The following ZBTB20 variants were observed in gnomAD, a reference collection of about 807,000 sequenced individuals.
The protein encoded by ZBTB20 is zinc finger and BTB domain containing 20.
In ZBTB20, 9 loss-of-function variants were observed where a neutral mutation model predicts 56.9. The observed-to-expected ratio is 0.16, with a 90% confidence interval of 0.10 to 0.28. The LOEUF is 0.28. Among genes scored for constraint, ZBTB20 ranks in the 10% least tolerant of loss-of-function variants. The pLI is 1.00. For missense variants in ZBTB20, 655 were observed against 1,003.0 expected (o/e 0.65, Z 4.69); for synonymous variants, 417 against 420.7 (o/e 0.99, Z 0.11).
At chr3:114,682,995 T>C (rs2062077079) in intron 6 of ZBTB20, among the ~76,000 whole-genome samples, 1 of 152,206 alleles carries the variant, frequency 6.6e-6, no homozygotes, top group South Asian at 2.1e-4. Context: ...AATAGTTTAT[T>C]CTCCTAGATT....
chr3:114,517,758 T>C (rs2109884376), intron 6 of ZBTB20, among the ~76,000 whole-genome samples: 1 of 152,144 alleles, frequency 6.6e-6, no homozygotes, highest in South Asian at 2.1e-4. Context: ...GTATTTTTAG[T>C]AGAGATGGGA....
At chr3:114,371,544 C>T (rs1034539863) in intron 10 of ZBTB20, among the ~76,000 whole-genome samples, 4 of 152,144 alleles carry the variant, frequency 2.6e-5, no homozygotes, top group African/African-American at 9.7e-5. Context: ...GAGCCTAGGG[C>T]TCCAGTTTAT....
At chr3:114,709,251 G>A (rs1466885586) in intron 5 of ZBTB20, among the ~76,000 whole-genome samples, 2 of 152,066 alleles carry the variant, frequency 1.3e-5, no homozygotes, top group Non-Finnish European at 2.9e-5. Context: ...CAGTTTCATA[G>A]TTCTTCTCAT....
At chr3:115,029,095 C>T (rs984545312) in intron 2 of ZBTB20, among the ~76,000 whole-genome samples, 2 of 149,520 alleles carry the variant, frequency 1.3e-5, no homozygotes, top group African/African-American at 2.4e-5. Flanking sequence ...ACACCAAAAA[C>T]AGCCATTTAA....
intron 6 of ZBTB20, among the ~76,000 whole-genome samples, chr3:114,525,686 T>A (rs2047140753): frequency 6.6e-6 from 1 of 152,206 alleles, no homozygotes; most frequent in Non-Finnish European, 1.5e-5. Flanking sequence ...GGCCTAAGGA[T>A]CCTGACTTAC....
chr3:114,977,701 T>C (rs1181904430), intron 2 of ZBTB20, among the ~76,000 whole-genome samples: 1 of 152,116 alleles, frequency 6.6e-6, no homozygotes, highest in Non-Finnish European at 1.5e-5. Flanking sequence ...AGAAAATACA[T>C]ATGTATAATT....
At chr3:114,748,316 TTC>T (rs2067237125) in intron 5 of ZBTB20, among the ~76,000 whole-genome samples, 1 of 131,284 alleles carries the variant, frequency 7.6e-6, no homozygotes, top group African/African-American at 3.0e-5. Context: ...CTTTCTTTCT[TTC>T]TTTCTTTCTT....
chr3:114,537,616 C>T (rs1488620297), intron 6 of ZBTB20, among the ~76,000 whole-genome samples: 1 of 152,104 alleles, frequency 6.6e-6, no homozygotes, highest in Non-Finnish European at 1.5e-5. Context: ...TACCATTTGA[C>T]CCAGCGATCC....
At chr3:114,366,388 G>A (rs1476159542) in intron 10 of ZBTB20, among the ~76,000 whole-genome samples, 1 of 151,888 alleles carries the variant, frequency 6.6e-6, no homozygotes, top group Non-Finnish European at 1.5e-5. Flanking sequence ...CATTTCTGGG[G>A]GGAATGGGGG....
intron 2 of ZBTB20, among the ~76,000 whole-genome samples, chr3:114,981,527 A>C (rs2078327532): frequency 6.6e-6 from 1 of 152,064 alleles, no homozygotes; most frequent in Non-Finnish European, 1.5e-5. Flanking sequence ...TCAAAGAGAA[A>C]TCTATTTAAT....
intron 1 of ZBTB20, among the ~76,000 whole-genome samples, chr3:115,073,065 G>T (rs189366592): frequency 6.6e-6 from 1 of 152,252 alleles, no homozygotes; most frequent in East Asian, 1.9e-4. Context: ...TTCTATAACA[G>T]GAGTAACAAA....
chr3:114,847,288 A>G (rs4146804), intron 4 of ZBTB20, among the ~76,000 whole-genome samples: 2 of 14,610 alleles, frequency 1.4e-4, no homozygotes, highest in East Asian at 0.25. Flanking sequence ...GGTTCATGAG[A>G]AAAAAAAAAA....
rs1485442750 is a variant in ZBTB20 at position 114,332,998 on chromosome 3, C to G, written c.*6007G>C. 1.3e-5 allele frequency: 2 copies of G among 152,194 alleles called. No individual in the cohort carries two copies. The highest frequency in any genetic ancestry group is 2.9e-5 in the Non-Finnish European group (2 of 68,034). 9.4% of individuals were successfully genotyped at this position (152,194 alleles called of 1,614,324 possible). A position where few individuals can be genotyped will look rare whatever the true frequency, so the allele number is the denominator to read the frequency against. On this transcript the variant is annotated 3_prime_UTR_variant, in exon 12 of 12. Coordinates refer to ENST00000675478, the MANE Select transcript of ZBTB20 (RefSeq NM_001348800.3). ...CTCTTCACTCTAAAAAGGATGGAAA[C>G]AAGCCCTACTGTTCCATAACCATTC... is the stretch of plus-strand genomic sequence containing the variant.
At chr3:114,934,283 C>T (rs75965697) in intron 3 of ZBTB20, among the ~76,000 whole-genome samples, 1 of 152,116 alleles carries the variant, frequency 6.6e-6, no homozygotes, top group Non-Finnish European at 1.5e-5. Flanking sequence ...CCTCCACTTA[C>T]CTGCGACCTC....
chr3:114,458,889 G>C (rs1205497219), intron 7 of ZBTB20, among the ~76,000 whole-genome samples: 1 of 152,044 alleles, frequency 6.6e-6, no homozygotes, highest in Admixed American at 6.6e-5. Context: ...TTGAAATACT[G>C]TGCCTGCATT....
rs1431368776 is a variant in ZBTB20 at position 114,338,420 on chromosome 3, C to T, written c.*585G>A. On this transcript the variant is annotated 3_prime_UTR_variant, in exon 12 of 12. Transcript: ENST00000675478. Reference sequence around the variant, plus strand: ...ACCACCGAACCCACTGCCCTTCCCACCCCCACAGCCCTTTTATGAAATCAG... The same window carrying T: ...ACCACCGAACCCACTGCCCTTCCCATCCCCACAGCCCTTTTATGAAATCAG... The T allele has an allele frequency of 6.6e-6, 1 of 152,150 alleles. No individual in the cohort carries two copies. The highest frequency in any genetic ancestry group is 1.5e-5 in the Non-Finnish European group (1 of 68,042). 9.4% of individuals were successfully genotyped at this position (152,150 alleles called of 1,614,324 possible).
At chr3:114,385,448 T>G (rs2084990163) in intron 8 of ZBTB20, among the ~76,000 whole-genome samples, 1 of 152,250 alleles carries the variant, frequency 6.6e-6, no homozygotes, top group African/African-American at 2.4e-5. Context: ...AGGGTTATTG[T>G]GAGGAACAAA....
intron 3 of ZBTB20, among the ~76,000 whole-genome samples, chr3:114,970,158 T>A (rs962180623): frequency 6.6e-6 from 1 of 152,186 alleles, no homozygotes; most frequent in Non-Finnish European, 1.5e-5. Flanking sequence ...AGTGTATTAG[T>A]AACACTTCCT....
intron 6 of ZBTB20, among the ~76,000 whole-genome samples, chr3:114,636,583 T>G (rs59820145): frequency 6.6e-6 from 1 of 152,106 alleles, no homozygotes; most frequent in African/African-American, 2.4e-5. Flanking sequence ...TGTGATCAAA[T>G]TTAAGTTGCT....
Sources: gnomAD v4.1 joint callset for allele counts (sites outside exome capture counted in the v4.1 genomes callset) on GRCh38, gnomAD v4.1.1 for gene constraint, MANE v1.5 for transcripts, NCBI Gene and HGNC (gene_info 2026-07-23, HGNC 2026-07-21) for gene names.